The following DCPS variants were observed in gnomAD, a reference collection of about 807,000 sequenced individuals.
DCPS encodes decapping enzyme, scavenger.
Under a neutral mutation model 34.7 loss-of-function variants are expected in DCPS, and 27 were observed. The ratio of observed to expected loss-of-function variants is 0.78; its 90% CI spans 0.57 to 1.07. The LOEUF (loss-of-function observed/expected upper bound fraction) is 1.07. DCPS is among the 50% of genes least tolerant of loss of function. The pLI is 0.00. For missense variants in DCPS, 464 were observed against 436.9 expected (o/e 1.06, Z -0.55); for synonymous variants, 185 against 185.7 (o/e 1.00, Z 0.03).
rs1951795812 is a variant in DCPS at position 126,331,797 on chromosome 11, G to A, written c.522+247G>A. 6.6e-6 allele frequency among the ~76,000 whole-genome samples: 1 copy of A among 152,202 alleles called. No individual in the cohort carries two copies. Among genetic ancestry groups the A allele is most frequent in the African/African-American group, 2.4e-5 (1 of 41,440 alleles). ...GCTCTGTGAGATAATGAGGGCTGCA[G>A]AGAGAAATAGACAGGATAAGTGGGA... On this transcript the variant is annotated intron_variant, in intron 3 of 5. Transcript: ENST00000263579. The surrounding 1 kb of genome is among the most constrained non-coding windows in gnomAD (Gnocchi z 7.2).
intron 2 of DCPS, among the ~76,000 whole-genome samples, chr11:126,316,733 G>A (rs1172345508): frequency 1.3e-5 from 2 of 150,614 alleles, no homozygotes; most frequent in Non-Finnish European, 2.9e-5. Flanking sequence ...TCAGCTGACT[G>A]CAACCTCCGC....
At chr11:126,330,295 T>G (rs572945979) in intron 2 of DCPS, among the ~76,000 whole-genome samples, 4 of 152,270 alleles carry the variant, frequency 2.6e-5, no homozygotes, top group Admixed American at 2.6e-4. Context: ...CTGAACATCC[T>G]TCAATGCACA....
intron 2 of DCPS, among the ~76,000 whole-genome samples, chr11:126,310,553 G>A (rs1282142177): frequency 6.6e-6 from 1 of 152,212 alleles, no homozygotes; most frequent in African/African-American, 2.4e-5. Context: ...TGAGGTCCTC[G>A]AAGGTTGGAG....
Position 126,322,293 on chromosome 11 carries a change from T to C in DCPS, c.377-9112T>C, listed in dbSNP as rs536383289. On this transcript the variant is annotated intron_variant, in intron 2 of 5. Coordinates refer to ENST00000263579, the MANE Select transcript of DCPS (RefSeq NM_014026.6). The surrounding 1 kb of genome is among the most constrained non-coding windows in gnomAD (Gnocchi z 4.2). ...ATTTTTATTTTTTTGAGACAGAGTC[T>C]CACTTTGTCGCCCAGGCTGGAGTGC... 6.6e-6 allele frequency among the ~76,000 whole-genome samples: 1 copy of C among 152,314 alleles called. No homozygotes were observed. The highest frequency in any genetic ancestry group is 2.4e-5 in the African/African-American group (1 of 41,564).
At position 126,341,730 on chromosome 11, in the gene DCPS, T is replaced by C. The variant is rs1459848361; in HGVS notation, c.637-1577T>C. The stretch of plus-strand genomic sequence containing the variant: ...GTTCAAGCAATTTTGTTTCTGGGCT[T>C]CTCTTTGGACTCCTAAGTCCAAAGT... On this transcript the variant is annotated intron_variant, in intron 4 of 5. Transcript: ENST00000263579. 4 of 152,276 alleles carry C rather than the reference T, an allele frequency of 2.6e-5. No homozygotes were observed. In the East Asian group the frequency reaches 7.7e-4, roughly 29 times the overall value. The allele number at this position is 152,276 out of a possible 1,614,324, so 9.4% of individuals were successfully genotyped here.
In DCPS at chr11:126,343,546, T is replaced by C. The variant is rs1951894380; in HGVS notation, c.747+129T>C. Reference sequence around the variant, plus strand: ...GAGACTTCTCTCTGGATGCCAGTCTTGGGGACCCCATTAGGCTCTTGAGGT... The same window carrying C: ...GAGACTTCTCTCTGGATGCCAGTCTCGGGGACCCCATTAGGCTCTTGAGGT... On this transcript the variant is annotated intron_variant, in intron 5 of 5. Transcript: ENST00000263579. The C allele has an allele frequency of 6.2e-6, 5 of 800,764 alleles. No homozygotes were observed. The East Asian group carries it at 1.3e-4, about 21-fold the overall frequency. 49.6% of individuals were successfully genotyped at this position (800,764 alleles called of 1,614,324 possible).
At position 126,334,258 on chromosome 11, in the gene DCPS, T is replaced by C. The variant is rs143348037; in HGVS notation, c.522+2708T>C. Among the ~76,000 whole-genome samples the C allele has an allele frequency of 4.6e-3, 698 of 152,236 alleles. 8 individuals are homozygous for C. The highest frequency in any genetic ancestry group is 0.016 in the African/African-American group (668 of 41,542). On this transcript the variant is annotated intron_variant, in intron 3 of 5. Coordinates refer to ENST00000263579, the MANE Select transcript of DCPS (RefSeq NM_014026.6). This position sits in a 1 kb window ranked among gnomAD's most constrained non-coding sequence, Gnocchi z 5.5. ...TTGCATGGAAGACAGTGAGTTCAGT[T>C]TGGAATTCATTGAGCACTTACTATG...
chr11:126,339,122 G>C (rs563570617), intron 4 of DCPS, among the ~76,000 whole-genome samples: 55 of 152,338 alleles, frequency 3.6e-4, no homozygotes, highest in African/African-American at 1.3e-3. Context: ...CAGAGCCACT[G>C]TGTTGCAGAG....
chr11:126,310,969 A>G (rs919528063), intron 2 of DCPS, among the ~76,000 whole-genome samples: 4 of 151,974 alleles, frequency 2.6e-5, no homozygotes, highest in African/African-American at 9.7e-5. Flanking sequence ...AGTAGAAATC[A>G]TGGGCTCAGC....
chr11:126,345,807 T>G lies in DCPS; in HGVS notation c.*194T>G, dbSNP rs903189765. 3.7e-6 allele frequency: 3 copies of G among 806,844 alleles called. No individual in the cohort carries two copies. Among genetic ancestry groups the G allele is most frequent in the Non-Finnish European group, 5.7e-6 (3 of 527,962 alleles). The allele number at this position is 806,844 out of a possible 1,614,324, so 50.0% of individuals were successfully genotyped here. ...CAGATGGTGGGGGACAGTGGGTGGG[T>G]AGAACCTGTGGGAAGGCCTTGAGAA... On this transcript the variant is annotated 3_prime_UTR_variant, in exon 6 of 6. Transcript: ENST00000263579. This position sits in a 1 kb window ranked among gnomAD's most constrained non-coding sequence, Gnocchi z 7.4.
intron 2 of DCPS, 44 bp downstream of exon 2, chr11:126,306,788 G>T: frequency 6.4e-7 from 1 of 1,568,806 alleles, no homozygotes; most frequent in Non-Finnish European, 8.7e-7. Context: ...GGGAGAATGG[G>T]ATGGTGGGAA....
chr11:126,306,765 G>GTGGC (rs765762962), intron 2 of DCPS, 21 bp downstream of exon 2: 20 of 1,583,350 alleles, frequency 1.3e-5, no homozygotes, highest in Non-Finnish European at 6.9e-6. Flanking sequence ...GGTGGCCAGG[G>GTGGC]TGGCTGTATG....
In DCPS at chr11:126,333,406, A is replaced by G. The variant is rs1442043209; in HGVS notation, c.522+1856A>G. Among the ~76,000 whole-genome samples the G allele has an allele frequency of 6.6e-6, 1 of 152,204 alleles. No homozygotes were observed. Among genetic ancestry groups the G allele is most frequent in the Non-Finnish European group, 1.5e-5 (1 of 68,032 alleles). The stretch of plus-strand genomic sequence containing the variant: ...GGATCTTCACAGTGTAACAGGGAAG[A>G]TAGACTTGTAAACGGGCAATTGTGA... On this transcript the variant is annotated intron_variant, in intron 3 of 5. Coordinates refer to ENST00000263579, the MANE Select transcript of DCPS (RefSeq NM_014026.6). This position sits in a 1 kb window ranked among gnomAD's most constrained non-coding sequence, Gnocchi z 5.7.
In DCPS at chr11:126,315,856, G is replaced by A. The variant is rs1228962764; in HGVS notation, c.376+9112G>A. On this transcript the variant is annotated intron_variant, in intron 2 of 5. Coordinates refer to ENST00000263579, the MANE Select transcript of DCPS (RefSeq NM_014026.6). This position sits in a 1 kb window ranked among gnomAD's most constrained non-coding sequence, Gnocchi z 6.1. ...AGCCTCCCGAGTAGCTGGGATTACG[G>A]GTGCCTGCCACCACACCAGGCCAAT... is the stretch of plus-strand genomic sequence containing the variant. 1.3e-5 allele frequency among the ~76,000 whole-genome samples: 2 copies of A among 152,012 alleles called. No individual in the cohort carries two copies. Among genetic ancestry groups the A allele is most frequent in the African/African-American group, 4.8e-5 (2 of 41,298 alleles).
rs756256174 is a variant in DCPS, at chr11:126,347,576, G to A, written c.*1963G>A. On this transcript the variant is annotated 3_prime_UTR_variant, in exon 6 of 6. Transcript: ENST00000263579. This position sits in a 1 kb window ranked among gnomAD's most constrained non-coding sequence, Gnocchi z 4.2. ...TCAGGCAACATGGAGTTGCAGCCAA[G>A]GAACTTTGAGGTAGTGACCAATGCA... 1.3e-5 allele frequency among the ~76,000 whole-genome samples: 2 copies of A among 152,214 alleles called. No individual in the cohort carries two copies. The highest frequency in any genetic ancestry group is 4.8e-5 in the African/African-American group (2 of 41,452).
rs1294781248 is a variant in DCPS at position 126,348,492 on chromosome 11, G to A, written c.*2879G>A. Among the ~76,000 whole-genome samples the A allele has an allele frequency of 6.6e-6, 1 of 152,212 alleles. No homozygotes were observed. The highest frequency in any genetic ancestry group is 1.5e-5 in the Non-Finnish European group (1 of 68,038). Reference sequence around the variant, plus strand: ...AATCTCCAGGGACCCTGCCGGCCACGGCCCCCATGCAGCTCCCTCCCTCAA... The same window carrying A: ...AATCTCCAGGGACCCTGCCGGCCACAGCCCCCATGCAGCTCCCTCCCTCAA... On this transcript the variant is annotated 3_prime_UTR_variant, in exon 6 of 6. Coordinates refer to ENST00000263579, the MANE Select transcript of DCPS (RefSeq NM_014026.6). The surrounding 1 kb of genome is among the most constrained non-coding windows in gnomAD (Gnocchi z 5.3).
intron 4 of DCPS, among the ~76,000 whole-genome samples, chr11:126,340,214 C>T (rs2135334990): frequency 6.6e-6 from 1 of 152,362 alleles, no homozygotes; most frequent in East Asian, 1.9e-4. Context: ...CTCTGGCTGC[C>T]AGCCACAGGG....
rs1951910924 is a variant in DCPS at position 126,345,355 on chromosome 11, C to A, written c.756C>A (p.Ile252=). 1 of 1,613,898 alleles carries A rather than the reference C, an allele frequency of 6.2e-7. No homozygotes were observed. Among genetic ancestry groups the A allele is most frequent in the African/African-American group, 1.3e-5 (1 of 75,054 alleles). Residue 252 remains isoleucine (I), a synonymous_variant, in exon 6 of 6, where the codon ATC becomes ATA. Coordinates refer to ENST00000263579, the MANE Select transcript of DCPS (RefSeq NM_014026.6). The surrounding 1 kb of genome is among the most constrained non-coding windows in gnomAD (Gnocchi z 7.4). ...TGCCCCTGTCTCATCAGGAGGCCAT[C>A]CTGCAGCGCTACCGGATGAAGGGAG... ...RNILHQGQEA[I]LQRYRMKGDH...
intron 1 of DCPS, among the ~76,000 whole-genome samples, chr11:126,305,552 C>G (rs2135306487): frequency 6.7e-6 from 1 of 149,346 alleles, no homozygotes; most frequent in African/African-American, 2.5e-5. Flanking sequence ...TCCCAAGTAG[C>G]TGGGATTACA....
Sources: allele counts gnomAD v4.1 joint callset (sites outside exome capture counted in the v4.1 genomes callset), GRCh38; gene constraint gnomAD v4.1.1; non-coding constraint Gnocchi (gnomAD v3.1); transcripts MANE v1.5; gene names NCBI Gene and HGNC (gene_info 2026-07-23, HGNC 2026-07-21).